Variants in PDE4D observed in about 807,000 individuals in gnomAD.
The protein encoded by PDE4D is 3',5'-cyclic-AMP phosphodiesterase 4D.
A neutral mutation model predicts 87.4 loss-of-function variants in PDE4D; 24 were observed. The ratio of observed to expected loss-of-function variants is 0.27; its 90% CI spans 0.20 to 0.39. The LOEUF is 0.39. Ranked by LOEUF, PDE4D falls within the 10% of genes least tolerant of loss-of-function variation. The pLI is 1.00. For missense variants in PDE4D, 714 were observed against 1,041.0 expected (o/e 0.69, Z 4.32); for synonymous variants, 384 against 383.2 (o/e 1.00, Z -0.02).
At chr5:60,042,900 C>G (rs759752961) in intron 2 of PDE4D, among the ~76,000 whole-genome samples, 25 of 152,044 alleles carry the variant, frequency 1.6e-4, no homozygotes, top group Admixed American at 1.1e-3. Flanking sequence ...TCCAAAGGAT[C>G]ACAACTCCTC....
At chr5:59,546,108 C>T (rs1197694310) in intron 1 of PDE4D, among the ~76,000 whole-genome samples, 1 of 152,084 alleles carries the variant, frequency 6.6e-6, no homozygotes, top group African/African-American at 2.4e-5. Flanking sequence ...ACCAATTTAG[C>T]TATGACAATG....
intron 5 of PDE4D, among the ~76,000 whole-genome samples, chr5:59,096,405 G>T (rs1209314888): frequency 6.6e-6 from 1 of 152,140 alleles, no homozygotes; most frequent in Non-Finnish European, 1.5e-5. Flanking sequence ...GTGGGCAATT[G>T]GTTGTTATGA....
At chr5:60,064,983 C>A (rs1771892720) in intron 2 of PDE4D, among the ~76,000 whole-genome samples, 1 of 152,136 alleles carries the variant, frequency 6.6e-6, no homozygotes, top group African/African-American at 2.4e-5. Context: ...AATTCTTTTG[C>A]CTCTAGGCAA....
chr5:59,078,996 A>C (rs1274988399), intron 5 of PDE4D, among the ~76,000 whole-genome samples: 2 of 152,180 alleles, frequency 1.3e-5, no homozygotes, highest in African/African-American at 4.8e-5. Context: ...GATGCAACAA[A>C]AGGACCCTTA....
chr5:59,584,022 A>T (rs1824666113), intron 1 of PDE4D, among the ~76,000 whole-genome samples: 1 of 152,214 alleles, frequency 6.6e-6, no homozygotes. Context: ...CCCTTCACGA[A>T]GAAAAGGCTC....
At chr5:60,210,226 T>C (rs977096414) in intron 1 of PDE4D, among the ~76,000 whole-genome samples, 1 of 152,138 alleles carries the variant, frequency 6.6e-6, no homozygotes, top group African/African-American at 2.4e-5. Context: ...TTTTAGTAAT[T>C]GTCCAGGTTT....
intron 5 of PDE4D, among the ~76,000 whole-genome samples, chr5:59,082,649 T>C (rs1766974051): frequency 1.3e-5 from 2 of 152,116 alleles, no homozygotes; most frequent in Non-Finnish European, 2.9e-5. Flanking sequence ...ATAAATATTA[T>C]TGCAAAACAT....
intron 1 of PDE4D, among the ~76,000 whole-genome samples, chr5:59,825,919 C>T (rs187457517): frequency 2.3e-4 from 35 of 152,244 alleles, no homozygotes; most frequent in African/African-American, 8.4e-4. Context: ...ATCCAGTCTA[C>T]TGGGGAAAGC....
chr5:60,094,510 GGAGAT>G (rs1775459864), intron 2 of PDE4D, among the ~76,000 whole-genome samples: 2 of 150,406 alleles, frequency 1.3e-5, no homozygotes, highest in South Asian at 2.1e-4. Context: ...GATTTGGTTT[GGAGAT>G]AAAGTCTTTA....
intron 1 of PDE4D, among the ~76,000 whole-genome samples, chr5:59,737,932 A>G (rs985924102): frequency 6.6e-6 from 1 of 152,170 alleles, no homozygotes; most frequent in East Asian, 1.9e-4. Flanking sequence ...AGACAAAGCT[A>G]TATTTCTCAA....
chr5:59,055,774 A>G (rs530812018), intron 5 of PDE4D, among the ~76,000 whole-genome samples: 104 of 152,278 alleles, frequency 6.8e-4, no homozygotes, highest in African/African-American at 2.4e-3. Context: ...TTCTATAGAC[A>G]AAGTTGGGAA....
At chr5:59,623,676 C>T (rs549713950) in intron 1 of PDE4D, among the ~76,000 whole-genome samples, 5 of 152,206 alleles carry the variant, frequency 3.3e-5, no homozygotes, top group African/African-American at 7.2e-5. Flanking sequence ...TGATACCCAC[C>T]GCCTTCTGTA....
chr5:60,041,036 T>A (rs1442280744), intron 2 of PDE4D, among the ~76,000 whole-genome samples: 1 of 152,226 alleles, frequency 6.6e-6, no homozygotes, highest in African/African-American at 2.4e-5. Context: ...CTGATTCATA[T>A]TAGTAACTTC....
chr5:59,003,003 T>C (rs1750859151), intron 6 of PDE4D, among the ~76,000 whole-genome samples: 1 of 152,202 alleles, frequency 6.6e-6, no homozygotes, highest in Non-Finnish European at 1.5e-5. Flanking sequence ...ATACTAATAT[T>C]TAAAAAAATT....
chr5:58,989,439 C>T (rs1023197902), intron 10 of PDE4D, among the ~76,000 whole-genome samples: 3 of 151,552 alleles, frequency 2.0e-5, no homozygotes, highest in Non-Finnish European at 2.9e-5. Context: ...TAAATAAAAG[C>T]CGTCAGACTA....
intron 5 of PDE4D, among the ~76,000 whole-genome samples, chr5:59,145,824 A>C (rs935534912): frequency 2.6e-5 from 4 of 152,198 alleles, no homozygotes. Context: ...TAAGTTCAAT[A>C]GGTTTAAAAA....
intron 1 of PDE4D, among the ~76,000 whole-genome samples, chr5:59,492,183 C>A (rs369140178): frequency 2.0e-5 from 3 of 152,232 alleles, no homozygotes; most frequent in East Asian, 1.9e-4. Context: ...CCCATGAAAA[C>A]CTTGAATACA....
At chr5:59,383,530 AC>A (rs1450035494) in intron 1 of PDE4D, among the ~76,000 whole-genome samples, 1 of 152,138 alleles carries the variant, frequency 6.6e-6, no homozygotes, top group Non-Finnish European at 1.5e-5. Context: ...CTAAGACGCT[AC>A]ACAATGTATT....
At chr5:59,349,510 G>C (rs1447871833) in intron 1 of PDE4D, among the ~76,000 whole-genome samples, 1 of 152,014 alleles carries the variant, frequency 6.6e-6, no homozygotes, top group East Asian at 1.9e-4. Context: ...CACTTGATGG[G>C]GGCTCATCCA....
Sources: allele counts gnomAD v4.1 joint callset (sites outside exome capture counted in the v4.1 genomes callset), GRCh38; gene constraint gnomAD v4.1.1; transcripts MANE v1.5; gene names NCBI Gene and HGNC (gene_info 2026-07-23, HGNC 2026-07-21).